Variants in SKAP2 observed in about 807,000 individuals in gnomAD.
SKAP2 encodes src kinase-associated phosphoprotein 2.
In SKAP2, 28 loss-of-function variants were observed where a neutral mutation model predicts 54.9. The observed-to-expected ratio is 0.51, with a 90% CI of 0.38 to 0.70. The LOEUF is 0.70. SKAP2 is among the 30% of genes least tolerant of loss of function. The pLI is 0.00. For synonymous variants in SKAP2, 137 were observed against 134.3 expected, an observed-to-expected ratio of 1.02 and a Z score of -0.14; for missense variants, 356 against 424.1, an observed-to-expected ratio of 0.84 and a Z score of 1.41.
intron 4 of SKAP2, among the ~76,000 whole-genome samples, chr7:26,754,745 A>T (rs540664972): frequency 6.6e-6 from 1 of 152,346 alleles, no homozygotes; most frequent in South Asian, 2.1e-4. Flanking sequence ...GTTCAGCCAC[A>T]CTTAAACATC....
At chr7:26,854,641 AT>A in intron 2 of SKAP2, 143 bp downstream of exon 2, 2 of 717,896 alleles carry the variant, frequency 2.8e-6, no homozygotes, top group Non-Finnish European at 2.2e-6. Context: ...GTGGAAATAT[AT>A]TTTTTGCCCT....
intron 9 of SKAP2, among the ~76,000 whole-genome samples, chr7:26,722,134 T>A (rs1787591814): frequency 1.3e-5 from 2 of 152,192 alleles, no homozygotes; most frequent in African/African-American, 4.8e-5. Flanking sequence ...AAAAGCCAAA[T>A]ACCTTTAATA....
At chr7:26,854,460 G>T (rs10281933) in intron 2 of SKAP2, among the ~76,000 whole-genome samples, 5,898 of 151,934 alleles carry the variant, frequency 0.039, 366 homozygotes, top group African/African-American at 0.13. Context: ...TTTCTTCAGT[G>T]TCAGGTATTT....
Position 26,684,859 on chromosome 7 carries a change from G to A in SKAP2, c.875-11C>T, listed in dbSNP as rs745916919. Reference sequence around the variant, plus strand: ...CAGTGCTCTTATCCCCTAGGAAGAAGAAAGAGAAAGCATGAATTAGGGCCT... The same window carrying A: ...CAGTGCTCTTATCCCCTAGGAAGAAAAAAGAGAAAGCATGAATTAGGGCCT... On this transcript the variant is annotated splice_polypyrimidine_tract_variant and intron_variant, in intron 10 of 12. Coordinates refer to ENST00000345317, the MANE Select transcript of SKAP2 (RefSeq NM_003930.5). 9 of 1,526,656 alleles carry A rather than the reference G, an allele frequency of 5.9e-6. No individual in the cohort carries two copies. In the East Asian group the frequency reaches 2.0e-4, roughly 34 times the overall value. The allele number at this position is 1,526,656 out of a possible 1,614,324, so 94.6% of individuals were successfully genotyped here.
At chr7:26,797,133 G>T (rs935190249) in intron 4 of SKAP2, among the ~76,000 whole-genome samples, 4 of 152,198 alleles carry the variant, frequency 2.6e-5, no homozygotes, top group African/African-American at 9.7e-5. Context: ...AGGGGACCTC[G>T]CTGCCTTGAA....
intron 4 of SKAP2, among the ~76,000 whole-genome samples, chr7:26,838,349 C>A (rs1784755316): frequency 6.6e-6 from 1 of 152,148 alleles, no homozygotes; most frequent in Admixed American, 6.6e-5. Flanking sequence ...CTTCCCCATG[C>A]AGATCACCTC....
intron 4 of SKAP2, among the ~76,000 whole-genome samples, chr7:26,818,279 T>C (rs10272301): frequency 0.21 from 32,293 of 151,872 alleles, 3,516 homozygotes; most frequent in Non-Finnish European, 0.24. Context: ...TCAGAAGTAA[T>C]GCCACACATC....
chr7:26,810,795 C>T (rs1784126424), intron 4 of SKAP2, among the ~76,000 whole-genome samples: 1 of 152,190 alleles, frequency 6.6e-6, no homozygotes, highest in African/African-American at 2.4e-5. Flanking sequence ...GATTCTCCTG[C>T]CTCAGCCTCC....
At chr7:26,829,459 G>A (rs368438116) in intron 4 of SKAP2, among the ~76,000 whole-genome samples, 117 of 152,150 alleles carry the variant, frequency 7.7e-4, no homozygotes, top group Admixed American at 2.0e-3. Context: ...GAGAGGATTC[G>A]TTGAGCCCAG....
chr7:26,660,593 T>C, the SKAP2 span, among the ~76,000 whole-genome samples: 4 of 152,038 alleles, frequency 2.6e-5, no homozygotes, highest in African/African-American at 9.7e-5. Flanking sequence ...AGGAAAAGTT[T>C]AGAAAACAGA....
intron 4 of SKAP2, among the ~76,000 whole-genome samples, chr7:26,760,227 T>C (rs535747366): frequency 9.2e-5 from 14 of 152,006 alleles, no homozygotes; most frequent in Admixed American, 2.0e-4. Flanking sequence ...CTAAACTAAC[T>C]GAAACTACTC....
At chr7:26,775,669 A>G (rs1783291078) in intron 4 of SKAP2, among the ~76,000 whole-genome samples, 1 of 152,026 alleles carries the variant, frequency 6.6e-6, no homozygotes, top group African/African-American at 2.4e-5. Flanking sequence ...TTGCCCTTTT[A>G]TAACTACAAC....
At position 26,743,434 on chromosome 7, in the gene SKAP2, T is replaced by C. The variant is rs868505631; in HGVS notation, c.308-3470A>G. Among the ~76,000 whole-genome samples, 3 of 152,274 alleles carry C rather than the reference T, an allele frequency of 2.0e-5. No homozygotes were observed. The East Asian group carries it at 5.8e-4, about 29-fold the overall frequency. ...TTCAGCAACTATACAAGTTAAGCAT[T>C]GTAGCTACTTCTAAAGCAGTTAAAA... On this transcript the variant is annotated intron_variant, in intron 4 of 12. Transcript: ENST00000345317.
intron 9 of SKAP2, among the ~76,000 whole-genome samples, chr7:26,698,279 T>A (rs1487479334): frequency 6.6e-6 from 1 of 152,238 alleles, no homozygotes; most frequent in African/African-American, 2.4e-5. Flanking sequence ...CCATTAGACT[T>A]ACTGGCTCCA....
chr7:26,746,858 T>C (rs1206260409), intron 4 of SKAP2, among the ~76,000 whole-genome samples: 1 of 152,160 alleles, frequency 6.6e-6, no homozygotes, highest in Non-Finnish European at 1.5e-5. Flanking sequence ...ATATTTTTTG[T>C]AGAACAACTA....
chr7:26,779,960 T>G (rs944495654), intron 4 of SKAP2, among the ~76,000 whole-genome samples: 2 of 152,038 alleles, frequency 1.3e-5, no homozygotes, highest in African/African-American at 4.8e-5. Flanking sequence ...GTGCCTGAAG[T>G]GAGAACAAGC....
At position 26,671,611 on chromosome 7, in the gene SKAP2, G is replaced by C. The variant is rs139334245; in HGVS notation, c.988-1419C>G. On this transcript the variant is annotated intron_variant, in intron 11 of 12. Coordinates refer to ENST00000345317, the MANE Select transcript of SKAP2 (RefSeq NM_003930.5). ...AAGAACAAAGTGGAGGGGGAGAGGG[G>C]AGAAAAGACCACTCCTGCTATTGTT... Among the ~76,000 whole-genome samples, 844 of 152,100 alleles carry C rather than the reference G, an allele frequency of 5.5e-3. 8 individuals carry two copies. Among genetic ancestry groups the C allele is most frequent in the African/African-American group, 0.019 (800 of 41,520 alleles).
intron 1 of SKAP2, among the ~76,000 whole-genome samples, chr7:26,857,154 C>CTTT (rs34940910): frequency 1.5e-5 from 2 of 132,032 alleles, no homozygotes; most frequent in African/African-American, 5.7e-5. Context: ...TGGGTATGGT[C>CTTT]TTTTTTTTTT....
intron 4 of SKAP2, among the ~76,000 whole-genome samples, chr7:26,747,074 T>A (rs1782573323): frequency 6.6e-6 from 1 of 152,160 alleles, no homozygotes; most frequent in South Asian, 2.1e-4. Context: ...AGGAAGATAT[T>A]ATATATTCAA....
Sources: gnomAD v4.1 joint callset for allele counts (sites outside exome capture counted in the v4.1 genomes callset) on GRCh38, gnomAD v4.1.1 for gene constraint, MANE v1.5 for transcripts, NCBI Gene and HGNC (gene_info 2026-07-23, HGNC 2026-07-21) for gene names.